FAM3D: variants seen among roughly 807,000 people sequenced by gnomAD.
The protein encoded by FAM3D is FAM3 metabolism regulating signaling molecule D.
Under a neutral mutation model 29.8 loss-of-function variants are expected in FAM3D, and 26 were observed. The observed-to-expected ratio is 0.87, with a 90% CI of 0.64 to 1.21. The LOEUF (loss-of-function observed/expected upper bound fraction) is 1.21. Ranked by LOEUF, FAM3D falls within the 50% of genes most tolerant of loss-of-function variation. The pLI, the probability that FAM3D is intolerant of heterozygous loss-of-function variation, is 0.00. For synonymous variants in FAM3D, 115 were observed against 102.3 expected, an observed-to-expected ratio of 1.12 and a Z score of -0.75; for missense variants, 253 against 290.9, an observed-to-expected ratio of 0.87 and a Z score of 0.95.
chr3:58,634,395 T>C lies in FAM3D; in HGVS notation c.586-27A>G, dbSNP rs758647845. On this transcript the variant is annotated intron_variant, in intron 9 of 9. Coordinates refer to ENST00000358781, the MANE Select transcript of FAM3D (RefSeq NM_138805.3). This position sits in a 1 kb window ranked among gnomAD's most constrained non-coding sequence, Gnocchi z 4.6. ...TAGAGAGAGAGAAGACAGAGAAATA[T>C]AGGCAGTGAGTGAGGCTGTTCAGAA... 6.2e-7 allele frequency: 1 copy of C among 1,604,114 alleles called. No individual in the cohort carries two copies. The highest frequency in any genetic ancestry group is 2.2e-5 in the East Asian group (1 of 44,792).
At chr3:58,654,421 G>A (rs1331263977) in intron 2 of FAM3D, among the ~76,000 whole-genome samples, 5 of 152,162 alleles carry the variant, frequency 3.3e-5, no homozygotes, top group Non-Finnish European at 5.9e-5. Flanking sequence ...ACAAATAACC[G>A]CACACTGGAC....
In FAM3D at chr3:58,635,997, C is replaced by G. The variant is rs13320605; in HGVS notation, c.585+297G>C. On this transcript the variant is annotated intron_variant, in intron 9 of 9. Transcript: ENST00000358781. The surrounding 1 kb of genome is among the most constrained non-coding windows in gnomAD (Gnocchi z 5.2). ...CAGCTCCATGTCTCCATTTCTTTCT[C>G]GTTCCTTCATGCCTCACTTGCCCAT... is the stretch of plus-strand genomic sequence containing the variant. Among the ~76,000 whole-genome samples, 3 of 152,224 alleles carry G rather than the reference C, an allele frequency of 2.0e-5. No homozygotes were observed. The highest frequency in any genetic ancestry group is 4.8e-5 in the African/African-American group (2 of 41,462).
chr3:58,650,092 T>C (rs145174167), intron 3 of FAM3D, among the ~76,000 whole-genome samples: 43 of 152,342 alleles, frequency 2.8e-4, no homozygotes, highest in Middle Eastern at 6.8e-3. Context: ...TTATACCATA[T>C]CCTAGTTGTT....
chr3:58,647,960 A>C (rs1168952855), intron 4 of FAM3D, among the ~76,000 whole-genome samples: 2 of 152,260 alleles, frequency 1.3e-5, no homozygotes, highest in African/African-American at 2.4e-5. Flanking sequence ...GTTGTCAAAC[A>C]GGTTTCCTCT....
intron 1 of FAM3D, among the ~76,000 whole-genome samples, chr3:58,666,275 A>G (rs2067028911): frequency 6.6e-6 from 1 of 152,178 alleles, no homozygotes; most frequent in Non-Finnish European, 1.5e-5. Context: ...TCTTGTGCCC[A>G]TGGCAGACAT....
At chr3:58,652,731 GC>G (rs1249074353) in intron 3 of FAM3D, among the ~76,000 whole-genome samples, 1 of 150,210 alleles carries the variant, frequency 6.7e-6, no homozygotes, top group Non-Finnish European at 1.5e-5. Context: ...TCATTCATTC[GC>G]CCATCTCTCC....
At chr3:58,637,701 C>T (rs570261911) in intron 7 of FAM3D, among the ~76,000 whole-genome samples, 10 of 152,162 alleles carry the variant, frequency 6.6e-5, no homozygotes, top group African/African-American at 2.2e-4. Context: ...GGAGAGAATT[C>T]GAGTAGACTA....
intron 4 of FAM3D, among the ~76,000 whole-genome samples, chr3:58,646,511 C>A (rs540726275): frequency 6.6e-6 from 1 of 152,362 alleles, no homozygotes; most frequent in South Asian, 2.1e-4. Flanking sequence ...CCCGCCCTTG[C>A]AGCCTGGCAT....
intron 4 of FAM3D, among the ~76,000 whole-genome samples, chr3:58,648,504 G>T (rs991274517): frequency 2.6e-5 from 4 of 152,138 alleles, no homozygotes; most frequent in Admixed American, 2.0e-4. Flanking sequence ...CTGGCCAAAA[G>T]ATTTCACTTC....
chr3:58,645,919 C>T (rs1056790807), intron 4 of FAM3D, among the ~76,000 whole-genome samples: 11 of 152,200 alleles, frequency 7.2e-5, no homozygotes, highest in Non-Finnish European at 4.4e-5. Flanking sequence ...CAGAGTAAAC[C>T]TGAGTCACTA....
chr3:58,649,449 C>T, intron 3 of FAM3D, 111 bp from the exon 4 acceptor site: 1 of 1,325,480 alleles, frequency 7.5e-7, no homozygotes, highest in South Asian at 1.3e-5. Flanking sequence ...TAAATTGGCG[C>T]CATTGAAATG....
chr3:58,648,122 A>AT (rs747792598), intron 4 of FAM3D, among the ~76,000 whole-genome samples: 16 of 152,186 alleles, frequency 1.1e-4, no homozygotes, highest in Non-Finnish European at 1.8e-4. Flanking sequence ...TGAATTTGCT[A>AT]TCCCCCCAGC....
intron 4 of FAM3D, among the ~76,000 whole-genome samples, chr3:58,648,132 C>T (rs1253919381): frequency 2.0e-5 from 3 of 152,206 alleles, no homozygotes; most frequent in Admixed American, 6.5e-5. Flanking sequence ...ATCCCCCCAG[C>T]AGGTGATGTC....
At chr3:58,657,216 G>T (rs767849191) in intron 1 of FAM3D, among the ~76,000 whole-genome samples, 2 of 152,140 alleles carry the variant, frequency 1.3e-5, no homozygotes, top group Non-Finnish European at 2.9e-5. Context: ...TGTTAGAGGA[G>T]CCAGGAGAGT....
At chr3:58,652,151 C>T (rs1207203386) in intron 3 of FAM3D, among the ~76,000 whole-genome samples, 1 of 152,132 alleles carries the variant, frequency 6.6e-6, no homozygotes, top group Non-Finnish European at 1.5e-5. Context: ...TCTGGGAGAC[C>T]TGGGTTCCCG....
At chr3:58,636,270 G>T (rs1380365644) in intron 9 of FAM3D, 24 bp downstream of exon 9, 1 of 1,610,296 alleles carries the variant, frequency 6.2e-7, no homozygotes, top group Non-Finnish European at 8.5e-7. Flanking sequence ...CCTTCATAGG[G>T]CCGGGTTGTG....
chr3:58,660,606 G>A (rs2066911192), intron 1 of FAM3D, among the ~76,000 whole-genome samples: 1 of 152,184 alleles, frequency 6.6e-6, no homozygotes, highest in Non-Finnish European at 1.5e-5. Context: ...ATTATGCCCT[G>A]TTTTAATTTT....
Position 58,655,600 on chromosome 3 carries a change from A to G in FAM3D, c.-37T>C. 2 of 1,609,094 alleles carry G rather than the reference A, an allele frequency of 1.2e-6. No homozygotes were observed. Among genetic ancestry groups the G allele is most frequent in the Non-Finnish European group, 1.7e-6 (2 of 1,176,922 alleles). On this transcript the variant is annotated splice_region_variant and 5_prime_UTR_variant, in exon 2 of 10. Coordinates refer to ENST00000358781, the MANE Select transcript of FAM3D (RefSeq NM_138805.3). The stretch of plus-strand genomic sequence containing the variant: ...GAAGGGTGGCTTGGGGTCAGCTTCC[A>G]CCTATGGAGAGAAGAAAATCCAGTC...
chr3:58,636,474 C>T, intron 8 of FAM3D, 54 bp from the exon 9 acceptor site: 1 of 1,600,044 alleles, frequency 6.2e-7, no homozygotes, highest in Non-Finnish European at 8.5e-7. Flanking sequence ...GCAGGGGCAT[C>T]AGGTGGTGGG....
Sources: gnomAD v4.1 joint callset for allele counts (sites outside exome capture counted in the v4.1 genomes callset) on GRCh38, gnomAD v4.1.1 for gene constraint, Gnocchi (gnomAD v3.1) non-coding constraint, MANE v1.5 for transcripts, NCBI Gene and HGNC (gene_info 2026-07-23, HGNC 2026-07-21) for gene names.